The following OXSR1 variants were observed in gnomAD, a reference collection of about 807,000 sequenced individuals.
OXSR1 encodes serine/threonine-protein kinase OSR1.
In OXSR1, 24 loss-of-function variants were observed where a neutral mutation model predicts 79.8. The ratio of observed to expected loss-of-function variants is 0.30; its 90% CI spans 0.22 to 0.42. OXSR1 has a LOEUF of 0.42. Ranked by LOEUF, OXSR1 falls within the 10% of genes least tolerant of loss-of-function variation. The pLI, the probability that OXSR1 is intolerant of heterozygous loss-of-function variation, is 1.00. For synonymous variants in OXSR1, 226 were observed against 209.2 expected, an observed-to-expected ratio of 1.08 and a Z score of -0.69; for missense variants, 430 against 618.4, an observed-to-expected ratio of 0.70 and a Z score of 3.23.
At chr3:38,181,123 T>C (rs1048624390) in intron 1 of OXSR1, among the ~76,000 whole-genome samples, 1 of 152,036 alleles carries the variant, frequency 6.6e-6, no homozygotes, top group African/African-American at 2.4e-5. Context: ...TGTTCTTTTT[T>C]TTTTTTTCCC....
intron 11 of OXSR1, among the ~76,000 whole-genome samples, chr3:38,240,356 C>T (rs1035528183): frequency 2.6e-5 from 4 of 152,016 alleles, no homozygotes; most frequent in South Asian, 2.1e-4. Flanking sequence ...TACGCAGGTA[C>T]GGAACAGGGC....
At chr3:38,166,814 AT>A (rs1701473060) in intron 1 of OXSR1, among the ~76,000 whole-genome samples, 1 of 149,748 alleles carries the variant, frequency 6.7e-6, no homozygotes, top group East Asian at 2.0e-4. Flanking sequence ...AAAAAAAAAA[AT>A]TTGAAGAGGC....
intron 4 of OXSR1, among the ~76,000 whole-genome samples, chr3:38,215,360 GT>G (rs780277929): frequency 1.8e-4 from 28 of 152,208 alleles, no homozygotes; most frequent in Admixed American, 4.6e-4. Flanking sequence ...AATTGTGAGA[GT>G]TCCTCTAGGT....
chr3:38,240,641 A>T (rs142622711), intron 11 of OXSR1, among the ~76,000 whole-genome samples: 1 of 150,876 alleles, frequency 6.6e-6, no homozygotes, highest in Admixed American at 6.6e-5. Flanking sequence ...GGGCTTGGGC[A>T]GGGAAAATAT....
At chr3:38,195,958 G>C (rs1440199226) in intron 3 of OXSR1, among the ~76,000 whole-genome samples, 1 of 152,062 alleles carries the variant, frequency 6.6e-6, no homozygotes, top group Non-Finnish European at 1.5e-5. Flanking sequence ...AAAAATGTTT[G>C]GATTTTAACG....
At chr3:38,178,774 G>A (rs138380891) in intron 1 of OXSR1, among the ~76,000 whole-genome samples, 37 of 151,300 alleles carry the variant, frequency 2.4e-4, no homozygotes, top group African/African-American at 8.7e-4. Context: ...CACCATACCC[G>A]GCCTCATGTT....
chr3:38,201,078 T>G (rs754982382), intron 4 of OXSR1, among the ~76,000 whole-genome samples: 64 of 152,204 alleles, frequency 4.2e-4, no homozygotes, highest in Middle Eastern at 6.8e-3. Flanking sequence ...TTGCCTATTT[T>G]TCTTTTATTT....
intron 2 of OXSR1, among the ~76,000 whole-genome samples, chr3:38,187,590 G>A (rs1023664844): frequency 2.6e-5 from 4 of 152,106 alleles, no homozygotes; most frequent in African/African-American, 4.8e-5. Context: ...TGAGTTTCAC[G>A]AAGGAATAAA....
At chr3:38,166,695 G>A (rs1701467982) in intron 1 of OXSR1, among the ~76,000 whole-genome samples, 1 of 151,018 alleles carries the variant, frequency 6.6e-6, no homozygotes, top group Admixed American at 6.6e-5. Flanking sequence ...GGAGGCTGAG[G>A]CAGAAGAATC....
In OXSR1 at chr3:38,221,691, C is replaced by T. The variant is rs762643514; in HGVS notation, c.600+4C>T. The T allele has an allele frequency of 1.3e-6, 2 of 1,563,264 alleles. No homozygotes were observed. Among genetic ancestry groups the T allele is most frequent in the East Asian group, 4.5e-5 (2 of 44,524 alleles). ...GGCACCTGAAGTTATGGAACAGGTACCGTGTCTTTTTTTCTGTTTTAAATG... is the reference window on the plus strand; with the variant it reads ...GGCACCTGAAGTTATGGAACAGGTATCGTGTCTTTTTTTCTGTTTTAAATG... On this transcript the variant is annotated splice_donor_region_variant and intron_variant, in intron 6 of 17. Transcript: ENST00000311806.
intron 1 of OXSR1, among the ~76,000 whole-genome samples, chr3:38,175,082 G>T (rs1701653074): frequency 6.6e-6 from 1 of 152,158 alleles, no homozygotes; most frequent in Non-Finnish European, 1.5e-5. Flanking sequence ...TGTTTTGTGT[G>T]GTTCAGGTGA....
chr3:38,222,272 G>C (rs1359232393), intron 6 of OXSR1, among the ~76,000 whole-genome samples: 3 of 152,176 alleles, frequency 2.0e-5, no homozygotes, highest in Non-Finnish European at 4.4e-5. Context: ...ATGCTGTGCA[G>C]GACCAGCAGA....
At chr3:38,170,718 A>G (rs972185168) in intron 1 of OXSR1, among the ~76,000 whole-genome samples, 4 of 152,178 alleles carry the variant, frequency 2.6e-5, no homozygotes, top group African/African-American at 9.7e-5. Flanking sequence ...TCCTGTATCT[A>G]CATTGATTCG....
At chr3:38,252,436 C>T (rs763938462) in intron 17 of OXSR1, 44 bp downstream of exon 17, 69 of 1,265,596 alleles carry the variant, frequency 5.5e-5, no homozygotes, top group Non-Finnish European at 7.9e-5. Flanking sequence ...GCCTTTTATA[C>T]ACTGGCAGCT....
chr3:38,250,279 C>T (rs895962925), intron 15 of OXSR1: 7 of 342,970 alleles, frequency 2.0e-5, no homozygotes, highest in Non-Finnish European at 3.2e-5. Context: ...TTGTCTTAAG[C>T]GTTATCTTAT....
intron 3 of OXSR1, among the ~76,000 whole-genome samples, chr3:38,194,640 A>G (rs1575324715): frequency 1.3e-5 from 2 of 152,186 alleles, no homozygotes; most frequent in East Asian, 3.8e-4. Context: ...GCTAGAGAGA[A>G]TACTGTGGAA....
At chr3:38,183,138 A>T (rs968200401) in intron 2 of OXSR1, 23 bp downstream of exon 2, 5 of 1,245,828 alleles carry the variant, frequency 4.0e-6, no homozygotes, top group Non-Finnish European at 5.9e-6. Flanking sequence ...TATACTTCTG[A>T]AATGGAGAGA....
intron 1 of OXSR1, among the ~76,000 whole-genome samples, chr3:38,177,075 G>T (rs909202080): frequency 2.0e-5 from 3 of 152,218 alleles, no homozygotes; most frequent in Admixed American, 6.5e-5. Flanking sequence ...ATATTGCAAA[G>T]AATCAGTGAA....
chr3:38,208,204 G>A (rs922357417), intron 4 of OXSR1, among the ~76,000 whole-genome samples: 44 of 151,756 alleles, frequency 2.9e-4, no homozygotes, highest in African/African-American at 8.5e-4. Context: ...CTCTTTGGCC[G>A]TACCCCATTT....
Sources: allele counts gnomAD v4.1 joint callset (sites outside exome capture counted in the v4.1 genomes callset), GRCh38; gene constraint gnomAD v4.1.1; transcripts MANE v1.5; gene names NCBI Gene and HGNC (gene_info 2026-07-23, HGNC 2026-07-21).